ACOT8: variants seen among roughly 807,000 people sequenced by gnomAD.
ACOT8 encodes the protein acyl-coenzyme A thioesterase 8.
Under a neutral mutation model 38.4 loss-of-function variants are expected in ACOT8, and 31 were observed. The ratio of observed to expected loss-of-function variants is 0.81; its 90% CI spans 0.61 to 1.09. The LOEUF is 1.09. Ranked by LOEUF, ACOT8 falls within the 50% of genes least tolerant of loss-of-function variation. The pLI, the probability that ACOT8 is intolerant of heterozygous loss-of-function variation, is 0.00. For missense variants in ACOT8, 373 were observed against 421.8 expected, an observed-to-expected ratio of 0.88 and a Z score of 1.01; for synonymous variants, 158 against 170.3, an observed-to-expected ratio of 0.93 and a Z score of 0.56.
intron 3 of ACOT8, among the ~76,000 whole-genome samples, chr20:45,845,066 G>A (rs1478173612): frequency 6.6e-6 from 1 of 152,054 alleles, no homozygotes; most frequent in African/African-American, 2.4e-5. Context: ...AGAGGTGTAC[G>A]CCACTGTGCC....
chr20:45,856,136 C>T (rs1199143302), intron 1 of ACOT8, among the ~76,000 whole-genome samples: 2 of 152,154 alleles, frequency 1.3e-5, no homozygotes, highest in Non-Finnish European at 2.9e-5. Flanking sequence ...TGGTGGCAAG[C>T]GCTTATGGTC....
intron 2 of ACOT8, chr20:45,853,632 G>C (rs578201342): frequency 2.9e-5 from 6 of 210,220 alleles, no homozygotes; most frequent in African/African-American, 1.4e-4. Context: ...TAGGCTGGAA[G>C]GATTACAATA....
chr20:45,841,962 G>A lies in ACOT8; in HGVS notation c.842-6C>T. On this transcript the variant is annotated splice_region_variant and splice_polypyrimidine_tract_variant and intron_variant, in intron 5 of 5. Coordinates refer to ENST00000217455, the MANE Select transcript of ACOT8 (RefSeq NM_005469.4). The stretch of plus-strand genomic sequence containing the variant: ...GACCAGCCCCCGAGAGCCACCTGTG[G>A]GTGAGGTGAAGGGTGATGATGGCCT... 1 of 1,613,186 alleles carries A rather than the reference G, an allele frequency of 6.2e-7. No individual in the cohort carries two copies. The highest frequency in any genetic ancestry group is 8.5e-7 in the Non-Finnish European group (1 of 1,179,954).
chr20:45,844,416 G>C lies in ACOT8; in HGVS notation c.493C>G (p.Pro165Ala), dbSNP rs772137502. Reference protein sequence around the residue: ...ETLIDQYLRDPNLQKRYPLAL... With the variant: ...ETLIDQYLRDANLQKRYPLAL... ...AATGGGTACCTCTTTTGGAGGTTAG[G>C]GTCCCTGAAAGTAAAGGGAAGAGGG... Residue 165 changes from proline (P) to alanine (A), a missense_variant, in exon 4 of 6, where the codon CCT becomes GCT. Physicochemically the swap from Pro to Ala is conservative, Grantham distance 27 (BLOSUM62 -1). Transcript: ENST00000217455. 5.6e-6 allele frequency: 9 copies of C among 1,613,892 alleles called. No homozygotes were observed. Among genetic ancestry groups the C allele is most frequent in the Non-Finnish European group, 6.8e-6 (8 of 1,179,960 alleles).
rs1984439046 is a variant in ACOT8, at chr20:45,843,653, C to T, written c.715G>A (p.Ala239Thr). ...YISDYAFLGT[A>T]LLPHQWQHKV... ...TGCTGCCACTGGTGAGGCAGCAGTG[C>T]AGTGCCCAAGAAGGCATAGTCGGAG... Residue 239 changes from alanine to threonine, a missense_variant, in exon 5 of 6, where the codon GCA becomes ACA. By Grantham distance (58) the Ala-to-Thr change is moderately conservative (BLOSUM62 0). Transcript: ENST00000217455. 4 of 1,613,518 alleles carry T rather than the reference C, an allele frequency of 2.5e-6. No individual in the cohort carries two copies. Among genetic ancestry groups the T allele is most frequent in the Non-Finnish European group, 3.4e-6 (4 of 1,179,638 alleles).
intron 3 of ACOT8, among the ~76,000 whole-genome samples, chr20:45,848,207 G>A (rs1984812375): frequency 6.6e-6 from 1 of 152,096 alleles, no homozygotes; most frequent in Admixed American, 6.6e-5. Flanking sequence ...ACTGCACCCG[G>A]CCAAGCCCTT....
chr20:45,842,261 G>A (rs1007863932), intron 5 of ACOT8: 9 of 1,430,824 alleles, frequency 6.3e-6, no homozygotes, highest in Admixed American at 2.9e-5. Context: ...CGTCATTGAG[G>A]GGTAACTCCT....
intron 5 of ACOT8, 120 bp downstream of exon 5, chr20:45,843,407 G>A (rs779004029): frequency 1.5e-5 from 20 of 1,307,462 alleles, no homozygotes; most frequent in Admixed American, 3.9e-5. Context: ...GCCTGGGAGG[G>A]AAGGAAAGGA....
At chr20:45,846,654 G>C (rs753022399) in intron 3 of ACOT8, among the ~76,000 whole-genome samples, 24 of 152,152 alleles carry the variant, frequency 1.6e-4, no homozygotes, top group Admixed American at 3.3e-4. Context: ...TTTAGAAGAA[G>C]AAACTAGGGC....
chr20:45,846,715 A>G (rs1984708683), intron 3 of ACOT8, among the ~76,000 whole-genome samples: 1 of 152,194 alleles, frequency 6.6e-6, no homozygotes, highest in Non-Finnish European at 1.5e-5. Flanking sequence ...ACAGAGGCAC[A>G]GCCCTGGACA....
rs747679890 is a variant in ACOT8 at position 45,857,227 on chromosome 20, G to A, written c.89C>T (p.Thr30Ile). ...GTCCAGCGGCTCGAGGTTGAGCACG[G>A]TCGTGACCAAGACGCTACGGAGGTC... ...PGDLRSVLVT[T>I]VLNLEPLDED... Residue 30 changes from threonine (T) to isoleucine (I), a missense_variant, in exon 1 of 6, where the codon ACC (threonine) becomes ATC (isoleucine). Coordinates refer to ENST00000217455, the MANE Select transcript of ACOT8 (RefSeq NM_005469.4). The A allele has an allele frequency of 4.8e-5, 77 of 1,613,592 alleles. No individual in the cohort carries two copies.
chr20:45,846,086 C>T (rs1312082999), intron 3 of ACOT8, among the ~76,000 whole-genome samples: 3 of 152,054 alleles, frequency 2.0e-5, no homozygotes, highest in East Asian at 1.9e-4. Flanking sequence ...GTGAGCCACC[C>T]GCCTTGGCCT....
intron 2 of ACOT8, 132 bp downstream of exon 2, chr20:45,855,027 A>G: frequency 7.8e-7 from 1 of 1,281,104 alleles, no homozygotes; most frequent in Non-Finnish European, 1.1e-6. Context: ...GACACCTCTT[A>G]GGGTGGTAGT....
chr20:45,857,099 A>T (rs940842944), intron 1 of ACOT8, 89 bp downstream of exon 1: 2 of 1,474,876 alleles, frequency 1.4e-6, no homozygotes, highest in Non-Finnish European at 1.9e-6. Context: ...GAGCCATACT[A>T]GTCCCGGAGC....
Position 45,854,988 on chromosome 20 carries a change from T to C in ACOT8, c.262+171A>G, listed in dbSNP as rs528507120. Among the ~76,000 whole-genome samples the C allele has an allele frequency of 4.2e-4, 64 of 152,220 alleles. No individual in the cohort carries two copies. The South Asian group carries it at 4.8e-3, about 11-fold the overall frequency. ...CAGCAGGTGTGAGGTCCAAGGCTCA[T>C]TGTTAGCCCCAGACCTCGTTCCACC... On this transcript the variant is annotated intron_variant, in intron 2 of 5. Transcript: ENST00000217455.
intron 5 of ACOT8, chr20:45,843,020 G>C (rs6017703): frequency 7.8e-5 from 86 of 1,097,532 alleles, no homozygotes; most frequent in Non-Finnish European, 9.4e-5. Flanking sequence ...TGAATGCCCC[G>C]ATCCCAATCA....
chr20:45,852,760 TTTTA>T (rs972138727), intron 2 of ACOT8, among the ~76,000 whole-genome samples: 7 of 152,086 alleles, frequency 4.6e-5, no homozygotes, highest in African/African-American at 1.7e-4. Flanking sequence ...AAATAATTAT[TTTTA>T]TTTATTTATT....
chr20:45,857,074 G>C, intron 1 of ACOT8, 114 bp downstream of exon 1: 2 of 1,257,234 alleles, frequency 1.6e-6, no homozygotes. Context: ...CGTGGCAGAG[G>C]GTGCATCCCA....
chr20:45,856,990 C>A (rs1449053234), intron 1 of ACOT8, among the ~76,000 whole-genome samples, 198 bp downstream of exon 1: 2 of 152,182 alleles, frequency 1.3e-5, no homozygotes, highest in African/African-American at 4.8e-5. Flanking sequence ...CTGTGCAGAC[C>A]TCGCAGCGCG....
Sources: allele counts gnomAD v4.1 joint callset (sites outside exome capture counted in the v4.1 genomes callset), GRCh38; gene constraint gnomAD v4.1.1; transcripts MANE v1.5; gene names NCBI Gene and HGNC (gene_info 2026-07-23, HGNC 2026-07-21).